The following VAV3 variants were observed in gnomAD, a reference collection of about 807,000 sequenced individuals.
VAV3 encodes guanine nucleotide exchange factor VAV3.
A neutral mutation model predicts 131.2 loss-of-function variants in VAV3; 94 were observed. The ratio of observed to expected loss-of-function variants is 0.72; its 90% confidence interval spans 0.61 to 0.85. The LOEUF is 0.85. Ranked by LOEUF, VAV3 falls within the 40% of genes least tolerant of loss-of-function variation. The pLI is 0.00. For synonymous variants in VAV3, 349 were observed against 342.0 expected (o/e 1.02, Z -0.22); for missense variants, 939 against 1,002.7 (o/e 0.94, Z 0.86).
chr1:107,693,143 A>G (rs190062123), intron 17 of VAV3, among the ~76,000 whole-genome samples: 19 of 150,928 alleles, frequency 1.3e-4, no homozygotes, highest in African/African-American at 4.6e-4. Context: ...CCTATTCATT[A>G]TTAACGTTGG....
At position 107,759,834 on chromosome 1, in the gene VAV3, A is replaced by C. The variant is rs368883884; in HGVS notation, c.1017+950T>G. 7.2e-5 allele frequency among the ~76,000 whole-genome samples: 11 copies of C among 152,294 alleles called. No individual in the cohort carries two copies. In the South Asian group the frequency reaches 2.1e-3, roughly 29 times the overall value. ...TACTTGACTACACCAAAGTTACAAA[A>C]TAAATTATTACCTTATTTTGGACAT... On this transcript the variant is annotated intron_variant, in intron 10 of 26. Transcript: ENST00000370056.
At chr1:107,860,176 A>G (rs189435798) in intron 2 of VAV3, among the ~76,000 whole-genome samples, 339 of 152,270 alleles carry the variant, frequency 2.2e-3, no homozygotes, top group African/African-American at 7.6e-3. Context: ...GCGAGAATGC[A>G]GTGGCATGAT....
intron 1 of VAV3, among the ~76,000 whole-genome samples, chr1:107,899,206 G>GAAAGT (rs1263356141): frequency 1.3e-5 from 2 of 152,146 alleles, no homozygotes; most frequent in Non-Finnish European, 2.9e-5. Flanking sequence ...AATAAATTAT[G>GAAAGT]AAAGTATCTA....
At chr1:107,802,241 A>G (rs559328147) in intron 2 of VAV3, among the ~76,000 whole-genome samples, 2 of 147,648 alleles carry the variant, frequency 1.4e-5, no homozygotes, top group Non-Finnish European at 3.0e-5. Flanking sequence ...TTGTTCTAAC[A>G]GGGTTTTTTT....
intron 19 of VAV3, among the ~76,000 whole-genome samples, chr1:107,670,120 G>T (rs1657679372): frequency 6.6e-6 from 1 of 152,136 alleles, no homozygotes; most frequent in Admixed American, 6.5e-5. Context: ...TTATTAAATT[G>T]TCCAAAGATT....
intron 2 of VAV3, among the ~76,000 whole-genome samples, chr1:107,863,452 G>A (rs901188327): frequency 7.2e-5 from 11 of 152,282 alleles, no homozygotes; most frequent in Admixed American, 1.3e-4. Flanking sequence ...CTGTCTATCT[G>A]TTAAAAAGTA....
At chr1:107,954,971 G>C (rs1259816472) in intron 1 of VAV3, among the ~76,000 whole-genome samples, 1 of 152,136 alleles carries the variant, frequency 6.6e-6, no homozygotes, top group Non-Finnish European at 1.5e-5. Flanking sequence ...CCTGCCTCAC[G>C]GTGTTGGACA....
At chr1:107,931,565 TTA>T (rs1673439763) in intron 1 of VAV3, among the ~76,000 whole-genome samples, 1 of 152,232 alleles carries the variant, frequency 6.6e-6, no homozygotes. Flanking sequence ...ATAAATAGTT[TTA>T]GACTATTCAA....
chr1:107,722,019 A>G (rs1475943681), intron 15 of VAV3, among the ~76,000 whole-genome samples: 1 of 152,232 alleles, frequency 6.6e-6, no homozygotes, highest in Non-Finnish European at 1.5e-5. Context: ...TACAGTCCAG[A>G]AACCCTGAGA....
intron 24 of VAV3, among the ~76,000 whole-genome samples, chr1:107,599,840 G>A (rs1651701693): frequency 2.8e-5 from 2 of 72,568 alleles, no homozygotes; most frequent in South Asian, 7.3e-4. Flanking sequence ...AATAACAAGA[G>A]GATACTGAAC....
chr1:107,729,341 TG>T lies in VAV3; in HGVS notation c.1502+19626del, dbSNP rs752914817. 3.3e-5 allele frequency among the ~76,000 whole-genome samples: 5 copies of T among 152,260 alleles called. No individual in the cohort carries two copies. The East Asian group carries it at 7.7e-4, about 23-fold the overall frequency. ...AGTCAAAGACTACATAAGGCAAATTTGGTATATGATAATAGATGAGAGAATT... is the reference window on the plus strand; with the variant it reads ...AGTCAAAGACTACATAAGGCAAATTTGTATATGATAATAGATGAGAGAATT... On this transcript the variant is annotated intron_variant, in intron 15 of 26. Transcript: ENST00000370056.
Position 107,807,250 on chromosome 1 carries a change from T to C in VAV3, c.322-27758A>G, listed in dbSNP as rs116066110. Reference sequence around the variant, plus strand: ...TCGTGTTCCTTTGTCAAATATTTCATTTAAAATAGATATTTGAAAGAGTAG... The same window carrying C: ...TCGTGTTCCTTTGTCAAATATTTCACTTAAAATAGATATTTGAAAGAGTAG... On this transcript the variant is annotated intron_variant, in intron 2 of 26. Coordinates refer to ENST00000370056, the MANE Select transcript of VAV3 (RefSeq NM_006113.5). 3.2e-3 allele frequency among the ~76,000 whole-genome samples: 490 copies of C among 152,308 alleles called. 1 individual carries two copies. The highest frequency in any genetic ancestry group is 0.011 in the African/African-American group (457 of 41,550).
At chr1:107,794,677 C>T (rs1309602582) in intron 2 of VAV3, among the ~76,000 whole-genome samples, 6 of 152,126 alleles carry the variant, frequency 3.9e-5, no homozygotes, top group Non-Finnish European at 5.9e-5. Context: ...GAATTTCCAC[C>T]TTAGGAGCCC....
chr1:107,723,688 G>C lies in VAV3; in HGVS notation c.1503-18627C>G, dbSNP rs1661654820. ...AGCTGCGCTAGTACCATTAAGTACT[G>C]CTGCCAGCCACCCTATACAGAGGAG... On this transcript the variant is annotated intron_variant, in intron 15 of 26. Coordinates refer to ENST00000370056, the MANE Select transcript of VAV3 (RefSeq NM_006113.5). Among the ~76,000 whole-genome samples the C allele has an allele frequency of 3.9e-5, 6 of 152,060 alleles. No individual in the cohort carries two copies. The South Asian group carries it at 1.2e-3, about 32-fold the overall frequency.
At chr1:107,930,287 A>G (rs745622405) in intron 1 of VAV3, among the ~76,000 whole-genome samples, 13 of 152,180 alleles carry the variant, frequency 8.5e-5, no homozygotes, top group Non-Finnish European at 1.8e-4. Context: ...ATCTCATGTA[A>G]TCCATAAATA....
chr1:107,888,494 T>C (rs1310344092), intron 1 of VAV3, among the ~76,000 whole-genome samples: 2 of 152,228 alleles, frequency 1.3e-5, no homozygotes, highest in African/African-American at 2.4e-5. Context: ...CTTTCTCTCT[T>C]GCTGCGCAGG....
At chr1:107,700,171 G>T (rs1221630718) in intron 17 of VAV3, among the ~76,000 whole-genome samples, 1 of 152,160 alleles carries the variant, frequency 6.6e-6, no homozygotes, top group Non-Finnish European at 1.5e-5. Flanking sequence ...TTCTTAAAAA[G>T]GTAAGCTTAC....
chr1:107,890,445 C>A (rs1318900906), intron 1 of VAV3, among the ~76,000 whole-genome samples: 2 of 152,122 alleles, frequency 1.3e-5, no homozygotes, highest in Non-Finnish European at 2.9e-5. Context: ...ACTGCCATCT[C>A]TAAATCAAAA....
chr1:107,933,670 C>T (rs1260378687), intron 1 of VAV3, among the ~76,000 whole-genome samples: 2 of 151,714 alleles, frequency 1.3e-5, no homozygotes, highest in Non-Finnish European at 2.9e-5. Context: ...TAAAAATTAG[C>T]TGAGTATGAT....
Sources: gnomAD v4.1 joint callset for allele counts (sites outside exome capture counted in the v4.1 genomes callset) on GRCh38, gnomAD v4.1.1 for gene constraint, MANE v1.5 for transcripts, NCBI Gene and HGNC (gene_info 2026-07-23, HGNC 2026-07-21) for gene names.